Variants in ELAVL2 observed in about 807,000 individuals in gnomAD.
ELAVL2 encodes the protein ELAV-like protein 2.
ELAVL2 carries 4 observed loss-of-function variants against 34.6 expected under a neutral mutation model. That is an observed-to-expected ratio of 0.12 (90% CI 0.06 to 0.26). ELAVL2 has a LOEUF of 0.26. Ranked by LOEUF, ELAVL2 falls within the 10% of genes least tolerant of loss-of-function variation. ELAVL2 has a pLI of 1.00. For synonymous variants in ELAVL2, 193 were observed against 154.8 expected, an observed-to-expected ratio of 1.25 and a Z score of -1.83; for missense variants, 432 against 442.8, an observed-to-expected ratio of 0.98 and a Z score of 0.22.
rs367961764 is a variant in ELAVL2 at position 23,704,593 on chromosome 9, A to G, written c.487+325T>C. 9.2e-5 allele frequency among the ~76,000 whole-genome samples: 14 copies of G among 152,304 alleles called. No homozygotes were observed. In the East Asian group the frequency reaches 2.7e-3, roughly 29 times the overall value. ...TTTGACAAAAGAAAGGTTGTTTATT[A>G]GTACTCTATAAGCAGGATGGGGGCT... On this transcript the variant is annotated intron_variant, in intron 4 of 6. Transcript: ENST00000397312.
chr9:23,742,442 G>A (rs576532043), intron 2 of ELAVL2, among the ~76,000 whole-genome samples: 10 of 152,254 alleles, frequency 6.6e-5, no homozygotes, highest in African/African-American at 2.2e-4. Context: ...TACGTCCTTC[G>A]CATACAATAT....
chr9:23,841,212 A>T, the ELAVL2 span, among the ~76,000 whole-genome samples: 1 of 152,262 alleles, frequency 6.6e-6, no homozygotes, highest in Non-Finnish European at 1.5e-5. Context: ...AGGTCCTAAA[A>T]GTATCAAGAG....
At chr9:23,809,858 T>C (rs555070194) in intron 1 of ELAVL2, among the ~76,000 whole-genome samples, 2 of 152,278 alleles carry the variant, frequency 1.3e-5, no homozygotes, top group Admixed American at 6.5e-5. Context: ...AACAGTAAAG[T>C]TGGAGAAATA....
intron 1 of ELAVL2, among the ~76,000 whole-genome samples, chr9:23,770,899 C>A (rs1023854425): frequency 1.3e-5 from 2 of 152,254 alleles, no homozygotes; most frequent in Non-Finnish European, 2.9e-5. Context: ...CCTGCCAGTG[C>A]AAAGCTTGTC....
chr9:23,716,490 G>T (rs533369280), intron 3 of ELAVL2, among the ~76,000 whole-genome samples: 47 of 151,996 alleles, frequency 3.1e-4, no homozygotes, highest in African/African-American at 1.1e-3. Flanking sequence ...AAAACAAAAC[G>T]AAAAACCTCC....
intron 1 of ELAVL2, among the ~76,000 whole-genome samples, chr9:23,815,791 T>C (rs1037558468): frequency 6.7e-6 from 1 of 149,174 alleles, no homozygotes; most frequent in Non-Finnish European, 1.5e-5. Flanking sequence ...CAAAACCTAC[T>C]GAGACAACTC....
rs1453133771 is a variant in ELAVL2 at position 23,690,827 on chromosome 9, A to G, written c.*1730T>C. 2 of 152,590 alleles carry G rather than the reference A, an allele frequency of 1.3e-5. No homozygotes were observed. Among genetic ancestry groups the G allele is most frequent in the Non-Finnish European group, 2.9e-5 (2 of 68,006 alleles). The allele number at this position is 152,590 out of a possible 1,614,324, so 9.5% of individuals were successfully genotyped here. On this transcript the variant is annotated 3_prime_UTR_variant, in exon 7 of 7. Transcript: ENST00000397312. ...CCTTCAGCTTTTTTGAAAATTTATT[A>G]TAAGCTAGATGCTAATCAGAAAATA...
At chr9:23,792,876 T>C (rs2060488011) in intron 1 of ELAVL2, among the ~76,000 whole-genome samples, 1 of 152,166 alleles carries the variant, frequency 6.6e-6, no homozygotes, top group South Asian at 2.1e-4. Flanking sequence ...AATCATGCTA[T>C]CCTCCCCCGT....
intron 1 of ELAVL2, among the ~76,000 whole-genome samples, chr9:23,804,995 T>C (rs542876248): frequency 1.3e-5 from 2 of 152,296 alleles, no homozygotes; most frequent in South Asian, 2.1e-4. Flanking sequence ...AGAATGCTTA[T>C]CCTCTTGGAC....
chr9:23,807,075 T>G (rs2062331753), intron 1 of ELAVL2, among the ~76,000 whole-genome samples: 1 of 152,130 alleles, frequency 6.6e-6, no homozygotes, highest in Admixed American at 6.6e-5. Flanking sequence ...TTATAAATGG[T>G]ATAAGCTAAA....
At position 23,714,618 on chromosome 9, in the gene ELAVL2, C is replaced by T. The variant is rs541148199; in HGVS notation, c.334-9547G>A. Among the ~76,000 whole-genome samples the T allele has an allele frequency of 1.5e-3, 236 of 152,278 alleles. 1 individual carries two copies. Among genetic ancestry groups the T allele is most frequent in the African/African-American group, 5.6e-3 (232 of 41,556 alleles). On this transcript the variant is annotated intron_variant, in intron 3 of 6. Coordinates refer to ENST00000397312, the MANE Select transcript of ELAVL2 (RefSeq NM_004432.5). Reference sequence around the variant, plus strand: ...TACCTCAATTCTCTTTTGTAGAGACCTGTTGAACCTAAGCCAGTAAAACGT... The same window carrying T: ...TACCTCAATTCTCTTTTGTAGAGACTTGTTGAACCTAAGCCAGTAAAACGT...
At chr9:23,732,641 G>A (rs2046859288) in intron 2 of ELAVL2, among the ~76,000 whole-genome samples, 1 of 152,094 alleles carries the variant, frequency 6.6e-6, no homozygotes, top group South Asian at 2.1e-4. Context: ...TATTGTCATT[G>A]AGTAGAATTA....
At chr9:23,706,030 T>C (rs916547685) in intron 3 of ELAVL2, among the ~76,000 whole-genome samples, 3 of 152,240 alleles carry the variant, frequency 2.0e-5, no homozygotes, top group Non-Finnish European at 4.4e-5. Context: ...TGTATGATTG[T>C]CCATAAATTC....
At chr9:23,808,220 C>A (rs1405910577) in intron 1 of ELAVL2, among the ~76,000 whole-genome samples, 2 of 152,032 alleles carry the variant, frequency 1.3e-5, no homozygotes, top group Non-Finnish European at 2.9e-5. Flanking sequence ...ACCTCCCACA[C>A]TGTGTTATAA....
intron 4 of ELAVL2, among the ~76,000 whole-genome samples, chr9:23,702,902 T>G (rs1412789049): frequency 1.6e-5 from 2 of 127,696 alleles, no homozygotes; most frequent in Non-Finnish European, 3.2e-5. Context: ...CTATTAAGAA[T>G]TAATAACCTC....
upstream of ELAVL2, chr9:23,826,388 A>T (rs1441878354): frequency 6.6e-5 from 10 of 152,378 alleles, no homozygotes; most frequent in Non-Finnish European, 1.5e-4. Context: ...GCCACAACGT[A>T]ACTTGCTCAT....
intron 5 of ELAVL2, among the ~76,000 whole-genome samples, chr9:23,696,732 A>G (rs1439181831): frequency 6.6e-6 from 1 of 152,034 alleles, no homozygotes; most frequent in Non-Finnish European, 1.5e-5. Context: ...GGCCTCCCAA[A>G]GTGCTGGGAT....
At chr9:23,730,928 G>T in intron 3 of ELAVL2, 94 bp downstream of exon 3, 3 of 1,178,326 alleles carry the variant, frequency 2.5e-6, no homozygotes, top group Non-Finnish European at 2.4e-6. Flanking sequence ...CTGTTTATAT[G>T]GGCCCAAAAG....
chr9:23,761,898 A>G (rs2055101750), intron 2 of ELAVL2, 108 bp downstream of exon 2: 1 of 1,339,252 alleles, frequency 7.5e-7, no homozygotes, highest in Admixed American at 3.0e-5. Flanking sequence ...GAAAATCTAG[A>G]TATGTAAAAT....
Sources: gnomAD v4.1 joint callset for allele counts (sites outside exome capture counted in the v4.1 genomes callset) on GRCh38, gnomAD v4.1.1 for gene constraint, MANE v1.5 for transcripts, NCBI Gene and HGNC (gene_info 2026-07-23, HGNC 2026-07-21) for gene names.